The following NTF3 variants were observed in gnomAD, a reference collection of about 807,000 sequenced individuals.
NTF3 encodes neurotrophin-3.
Under a neutral mutation model 26.3 loss-of-function variants are expected in NTF3, and 8 were observed. The observed-to-expected ratio is 0.30, with a 90% CI of 0.18 to 0.55. The LOEUF is 0.55. NTF3 is among the 20% of genes least tolerant of loss of function. NTF3 has a pLI of 0.93. For missense variants in NTF3, 276 were observed against 352.9 expected (o/e 0.78, Z 1.75); for synonymous variants, 154 against 145.5 (o/e 1.06, Z -0.42).
At chr12:5,434,629 A>G (rs569335859) in intron 1 of NTF3, among the ~76,000 whole-genome samples, 2 of 152,228 alleles carry the variant, frequency 1.3e-5, no homozygotes, top group East Asian at 3.9e-4. Flanking sequence ...TTGCAGGAAC[A>G]TAGGTGTAGC....
chr12:5,452,071 G>T (rs372217471), intron 1 of NTF3, among the ~76,000 whole-genome samples: 1 of 149,350 alleles, frequency 6.7e-6, no homozygotes, highest in African/African-American at 2.5e-5. Flanking sequence ...TGCATTGTAC[G>T]TATCTCCCCA....
At chr12:5,437,870 A>C (rs1264815930) in intron 1 of NTF3, among the ~76,000 whole-genome samples, 1 of 152,196 alleles carries the variant, frequency 6.6e-6, no homozygotes, top group Admixed American at 6.5e-5. Context: ...AGAGGAGAGC[A>C]CAGGATGTGC....
chr12:5,469,409 T>C (rs1940636197), intron 1 of NTF3, among the ~76,000 whole-genome samples: 1 of 152,094 alleles, frequency 6.6e-6, no homozygotes, highest in Non-Finnish European at 1.5e-5. Context: ...GACAGAAAGA[T>C]GGCCTGTGTA....
At chr12:5,450,579 A>G (rs537267993) in intron 1 of NTF3, among the ~76,000 whole-genome samples, 2 of 152,300 alleles carry the variant, frequency 1.3e-5, no homozygotes, top group East Asian at 3.9e-4. Context: ...ACAAGAATAG[A>G]TTTGGCCTTC....
rs116134178 is a variant in NTF3 at position 5,435,067 on chromosome 12, A to T, written c.18+2725A>T. On this transcript the variant is annotated intron_variant, in intron 1 of 1. Transcript: ENST00000423158. Reference sequence around the variant, plus strand: ...AATTGGAGGAGGCTTAGAATGAGGGATGTACATTTAAGGGGAAAAGTCCTT... The same window carrying T: ...AATTGGAGGAGGCTTAGAATGAGGGTTGTACATTTAAGGGGAAAAGTCCTT... 3.8e-3 allele frequency among the ~76,000 whole-genome samples: 584 copies of T among 152,208 alleles called. 3 individuals carry two copies. The highest frequency in any genetic ancestry group is 0.013 in the African/African-American group (536 of 41,524).
At chr12:5,455,582 A>ACACACACACACACACACACC in intron 1 of NTF3, among the ~76,000 whole-genome samples, 1 of 47,506 alleles carries the variant, frequency 2.1e-5, no homozygotes, top group African/African-American at 9.4e-5. Context: ...ACACACACAC[A>ACACACACACACACACACACC]CATAGCCCCT....
chr12:5,440,488 C>A (rs1940223138), intron 1 of NTF3, among the ~76,000 whole-genome samples: 1 of 152,182 alleles, frequency 6.6e-6, no homozygotes, highest in Non-Finnish European at 1.5e-5. Context: ...AGATTAGTTT[C>A]ATCCCACATC....
At chr12:5,439,171 G>A (rs1368782952) in intron 1 of NTF3, among the ~76,000 whole-genome samples, 3 of 152,198 alleles carry the variant, frequency 2.0e-5, no homozygotes, top group South Asian at 4.1e-4. Flanking sequence ...TCTGACTAAG[G>A]TAAGCATCCA....
intron 1 of NTF3, among the ~76,000 whole-genome samples, chr12:5,442,290 C>G (rs545212927): frequency 6.6e-6 from 1 of 152,326 alleles, no homozygotes; most frequent in South Asian, 2.1e-4. Flanking sequence ...GTCTCCGCTT[C>G]CACATGACAG....
chr12:5,436,930 A>C (rs1940174985), intron 1 of NTF3, among the ~76,000 whole-genome samples: 1 of 152,230 alleles, frequency 6.6e-6, no homozygotes, highest in Non-Finnish European at 1.5e-5. Context: ...AGCTATGCAG[A>C]CCACAGCACC....
At chr12:5,467,544 G>A (rs1381772627) in intron 1 of NTF3, among the ~76,000 whole-genome samples, 2 of 152,056 alleles carry the variant, frequency 1.3e-5, no homozygotes, top group South Asian at 2.1e-4. Context: ...ATTGATTAAG[G>A]GTTACAAATT....
intron 1 of NTF3, among the ~76,000 whole-genome samples, chr12:5,439,754 C>G (rs1405885525): frequency 6.6e-6 from 1 of 152,198 alleles, no homozygotes; most frequent in East Asian, 1.9e-4. Flanking sequence ...TCCCAGCATT[C>G]TTGAGTCCTG....
chr12:5,476,749 A>T (rs991139523), intron 1 of NTF3, among the ~76,000 whole-genome samples: 4 of 152,210 alleles, frequency 2.6e-5, no homozygotes, highest in Admixed American at 2.6e-4. Flanking sequence ...TGGCAAATTA[A>T]CGTGATAGAA....
chr12:5,454,491 T>C (rs1357543027), intron 1 of NTF3, among the ~76,000 whole-genome samples: 1 of 152,118 alleles, frequency 6.6e-6, no homozygotes, highest in African/African-American at 2.4e-5. Flanking sequence ...CAACCCATAA[T>C]GGGAAGGAAA....
At chr12:5,459,424 A>G (rs1940496772) in intron 1 of NTF3, among the ~76,000 whole-genome samples, 1 of 152,124 alleles carries the variant, frequency 6.6e-6, no homozygotes, top group Admixed American at 6.5e-5. Context: ...AGATGTTGCC[A>G]TTGCTCCCCT....
In NTF3 at chr12:5,469,985, C is replaced by T. The variant is rs1940643913; in HGVS notation, c.19-24209C>T. On this transcript the variant is annotated intron_variant, in intron 1 of 1. Transcript: ENST00000423158. Reference sequence around the variant, plus strand: ...TGTCACCCAGGCTAGAGTGCAATGGCGCGATCTCAGCTCACTGCAAGCTCC... The same window carrying T: ...TGTCACCCAGGCTAGAGTGCAATGGTGCGATCTCAGCTCACTGCAAGCTCC... 2.6e-5 allele frequency among the ~76,000 whole-genome samples: 4 copies of T among 152,272 alleles called. No individual in the cohort carries two copies. In the South Asian group the frequency reaches 8.3e-4, roughly 32 times the overall value.
At chr12:5,452,880 C>T (rs1209255543) in intron 1 of NTF3, among the ~76,000 whole-genome samples, 1 of 152,196 alleles carries the variant, frequency 6.6e-6, no homozygotes, top group African/African-American at 2.4e-5. Context: ...TATTCTCTTC[C>T]TACTCCCCAC....
chr12:5,430,493 G>A (rs1007567131), upstream of NTF3, among the ~76,000 whole-genome samples: 4 of 151,816 alleles, frequency 2.6e-5, no homozygotes, highest in African/African-American at 7.3e-5. Flanking sequence ...GGGCCTCGGT[G>A]GGCGCTTCTG....
At position 5,432,215 on chromosome 12, in the gene NTF3, T is replaced by A; in HGVS notation, c.-110T>A. 1 of 1,243,292 alleles carries A rather than the reference T, an allele frequency of 8.0e-7. No individual in the cohort carries two copies. Among genetic ancestry groups the A allele is most frequent in the South Asian group, 1.2e-5 (1 of 83,238 alleles). The allele number at this position is 1,243,292 out of a possible 1,614,324, so 77.0% of individuals were successfully genotyped here. ...TCTCCTTTCTTTCTTCCTCTCCTTTTTCCCCTGCTGGGTAGTGGCTGCGGC... is the reference window on the plus strand; with the variant it reads ...TCTCCTTTCTTTCTTCCTCTCCTTTATCCCCTGCTGGGTAGTGGCTGCGGC... On this transcript the variant is annotated 5_prime_UTR_variant, in exon 1 of 2. Transcript: ENST00000423158.
Sources: gnomAD v4.1 joint callset for allele counts (sites outside exome capture counted in the v4.1 genomes callset) on GRCh38, gnomAD v4.1.1 for gene constraint, MANE v1.5 for transcripts, NCBI Gene and HGNC (gene_info 2026-07-23, HGNC 2026-07-21) for gene names.